SMS: variants seen among roughly 807,000 people sequenced by gnomAD.
The protein encoded by SMS is spermine synthase.
SMS carries 3 observed loss-of-function variants against 33.0 expected under a neutral mutation model. The ratio of observed to expected loss-of-function variants is 0.09; its 90% CI spans 0.04 to 0.23. SMS has a LOEUF of 0.23. Ranked by LOEUF, SMS falls within the 10% of genes least tolerant of loss-of-function variation. The probability of loss-of-function intolerance (pLI) is 1.00; values close to 1 mark genes in which losing one functional copy is unlikely to be tolerated. For synonymous variants in SMS, 103 were observed against 112.2 expected (o/e 0.92, Z 0.52); for missense variants, 117 against 288.6 (o/e 0.41, Z 4.31).
chrX:21,980,429 A>AAAAAAAAAATATATAT (rs1260210326), intron 7 of SMS, among the ~76,000 whole-genome samples: 1 of 63,039 alleles, frequency 1.6e-5, no homozygotes, highest in African/African-American at 4.7e-5. Flanking sequence ...AAAAAAAAAA[A>AAAAAAAAAATATATAT]ATATATATAT....
intron 1 of SMS, among the ~76,000 whole-genome samples, chrX:21,943,908 T>C (rs890061894): frequency 1.8e-5 from 2 of 111,834 alleles, no homozygotes; most frequent in Non-Finnish European, 3.8e-5. Context: ...CAAAAGGCAT[T>C]ACTCTTGGCA....
intron 1 of SMS, among the ~76,000 whole-genome samples, chrX:21,953,372 T>C (rs750400788): frequency 9.0e-6 from 1 of 111,685 alleles, no homozygotes; most frequent in African/African-American, 3.3e-5. Context: ...AATTGAGACA[T>C]GCATTACATC....
chrX:21,982,756 G>GA (rs1358571222), intron 7 of SMS, among the ~76,000 whole-genome samples: 1 of 112,636 alleles, frequency 8.9e-6, no homozygotes, highest in Non-Finnish European at 1.9e-5. Context: ...TTACAAAAGA[G>GA]AACATACATT....
At chrX:21,971,055 G>A (rs139940767) in intron 2 of SMS, among the ~76,000 whole-genome samples, 3 of 109,628 alleles carry the variant, frequency 2.7e-5, no homozygotes, top group East Asian at 2.9e-4. Context: ...AATTAGCCAG[G>A]TGTGGTGGGA....
intron 7 of SMS, among the ~76,000 whole-genome samples, chrX:21,982,179 CA>C (rs11333369): frequency 3.3e-3 from 356 of 106,450 alleles, no homozygotes; most frequent in African/African-American, 0.011. Flanking sequence ...TAAAAAAATA[CA>C]AAAAAAAATT....
chrX:21,988,662 C>CAAAAAAGAAAAAAAAAAAAAAAA (rs1925539238), intron 9 of SMS, among the ~76,000 whole-genome samples: 1 of 66,156 alleles, frequency 1.5e-5, no homozygotes, highest in Non-Finnish European at 2.8e-5. Flanking sequence ...GACTCTGTCT[C>CAAAAAAGAAAAAAAAAAAAAAAA]AAAAAAAAAA....
intron 1 of SMS, among the ~76,000 whole-genome samples, chrX:21,944,242 A>G (rs1922018610): frequency 9.0e-6 from 1 of 111,486 alleles, no homozygotes; most frequent in African/African-American, 3.3e-5. Context: ...GTATTGGACT[A>G]TAAGGACTCT....
chrX:21,987,239 C>T (rs1405273493), intron 9 of SMS, among the ~76,000 whole-genome samples: 2 of 112,142 alleles, frequency 1.8e-5, no homozygotes, highest in Non-Finnish European at 3.8e-5. Context: ...TCAGGTGATA[C>T]GCCCCCCTCG....
intron 2 of SMS, among the ~76,000 whole-genome samples, chrX:21,971,583 T>C (rs1446258459): frequency 1.8e-5 from 2 of 112,145 alleles, no homozygotes; most frequent in Admixed American, 1.9e-4. Context: ...CAGTAGTTAC[T>C]AAACCTGGCA....
At chrX:21,969,192 A>G (rs1017678491) in intron 2 of SMS, among the ~76,000 whole-genome samples, 1 of 111,723 alleles carries the variant, frequency 9.0e-6, no homozygotes, top group Non-Finnish European at 1.9e-5. Context: ...TGTGGCATTA[A>G]TTGGTGTTCT....
rs150783904 is a variant in SMS, at chrX:21,966,524, G to T, written c.50-672G>T. ...CTTTTGGGAGTAGGACACTGGGCAG[G>T]ATGGGAGACAGGAGGATTGGCTTCT... On this transcript the variant is annotated intron_variant, in intron 1 of 10. Transcript: ENST00000404933. Among the ~76,000 whole-genome samples, 259 of 111,440 alleles carry T rather than the reference G, an allele frequency of 2.3e-3. 1 individual carries two copies. Among genetic ancestry groups the T allele is most frequent in the Middle Eastern group, 0.014 (3 of 218 alleles).
chrX:21,967,873 A>G (rs1307319574), intron 2 of SMS, among the ~76,000 whole-genome samples: 1 of 112,335 alleles, frequency 8.9e-6, no homozygotes, highest in East Asian at 2.8e-4. Flanking sequence ...AACTCCCTGG[A>G]GTAAAAAGTT....
chrX:21,959,161 G>A (rs1013024171), intron 1 of SMS, among the ~76,000 whole-genome samples: 2 of 112,617 alleles, frequency 1.8e-5, no homozygotes, highest in African/African-American at 6.5e-5. Context: ...AAGCTGTTAA[G>A]TAAGGCATGC....
chrX:21,983,888 T>G (rs1925147016), intron 7 of SMS, among the ~76,000 whole-genome samples: 1 of 110,909 alleles, frequency 9.0e-6, no homozygotes, highest in African/African-American at 3.3e-5. Context: ...GTTTATTAAT[T>G]AAAAAAATAA....
intron 3 of SMS, 123 bp downstream of exon 3, chrX:21,972,113 A>G (rs1924202512): frequency 1.9e-6 from 1 of 539,698 alleles, no homozygotes; most frequent in East Asian, 3.6e-5. Context: ...CTCCCTCCAC[A>G]TAAGTGATTT....
At chrX:21,990,668 CTG>C (rs1224617888) in intron 9 of SMS, among the ~76,000 whole-genome samples, 2 of 112,545 alleles carry the variant, frequency 1.8e-5, no homozygotes, top group Non-Finnish European at 3.7e-5. Flanking sequence ...TTACCACAGT[CTG>C]TGTAAGGAAG....
intron 9 of SMS, among the ~76,000 whole-genome samples, chrX:21,992,327 C>T (rs1304852477): frequency 1.8e-5 from 2 of 112,286 alleles, no homozygotes; most frequent in African/African-American, 6.5e-5. Flanking sequence ...CAGTGAGTGT[C>T]ACTAATAAGA....
intron 6 of SMS, 133 bp downstream of exon 6, chrX:21,978,247 T>C (rs752268496): frequency 1.0e-4 from 63 of 605,366 alleles, no homozygotes; most frequent in Non-Finnish European, 1.6e-4. Context: ...GAACAGACAA[T>C]TTAGTAACAG....
chrX:21,966,203 T>C (rs1400969139), intron 1 of SMS, among the ~76,000 whole-genome samples: 5 of 112,531 alleles, frequency 4.4e-5, no homozygotes, highest in Admixed American at 9.4e-5. Context: ...TGTGACTCTT[T>C]GTTTTTTTCT....
Sources: allele counts gnomAD v4.1 joint callset (sites outside exome capture counted in the v4.1 genomes callset), GRCh38; gene constraint gnomAD v4.1.1; transcripts MANE v1.5; gene names NCBI Gene and HGNC (gene_info 2026-07-23, HGNC 2026-07-21).